The following ACVRL1 variants were observed in gnomAD, a reference collection of about 807,000 sequenced individuals.
ACVRL1 encodes the protein activin A receptor like type 1.
Under a neutral mutation model 51.9 loss-of-function variants are expected in ACVRL1, and 20 were observed. The observed-to-expected ratio is 0.39, with a 90% CI of 0.27 to 0.56. The LOEUF (loss-of-function observed/expected upper bound fraction) is 0.56, where lower values mean the gene tolerates loss of function less well. ACVRL1 is among the 20% of genes least tolerant of loss of function. The probability of loss-of-function intolerance (pLI) is 0.67; values close to 1 mark genes in which losing one functional copy is unlikely to be tolerated. For synonymous variants in ACVRL1, 288 were observed against 280.9 expected (o/e 1.03, Z -0.25); for missense variants, 451 against 670.3 (o/e 0.67, Z 3.61).
intron 8 of ACVRL1, among the ~76,000 whole-genome samples, chr12:51,916,941 T>G (rs1940853746): frequency 6.6e-6 from 1 of 151,980 alleles, no homozygotes; most frequent in African/African-American, 2.4e-5. Flanking sequence ...GCCACTGCAC[T>G]CCAGTCTGGG....
intron 8 of ACVRL1, among the ~76,000 whole-genome samples, chr12:51,918,101 G>T (rs971239350): frequency 4.6e-5 from 7 of 152,196 alleles, no homozygotes; most frequent in African/African-American, 1.7e-4. Context: ...ACAGGATGGG[G>T]CACGGGGCTG....
At chr12:51,920,011 T>C (rs939999730) in intron 9 of ACVRL1, among the ~76,000 whole-genome samples, 2 of 152,226 alleles carry the variant, frequency 1.3e-5, no homozygotes, top group African/African-American at 4.8e-5. Context: ...TGTATACATC[T>C]ATGTGTACAT....
chr12:51,912,996 G>T, intron 2 of ACVRL1, 103 bp from the exon 3 acceptor site: 1 of 1,496,310 alleles, frequency 6.7e-7, no homozygotes, highest in Non-Finnish European at 9.0e-7. Flanking sequence ...CAAGGTGTTT[G>T]TCTGAGGGGT....
rs1940831138 is a variant in ACVRL1, at chr12:51,916,058, G to A, written c.1071G>A (p.Gln357=). 2.5e-6 allele frequency: 4 copies of A among 1,613,020 alleles called. No homozygotes were observed. The African/African-American group carries it at 4.0e-5, about 16-fold the overall frequency. The change falls in exon 8 of 10, where the codon CAG becomes CAA. Residue 357 remains glutamine (Q), a synonymous_variant. Coordinates refer to ENST00000388922, the MANE Select transcript of ACVRL1 (RefSeq NM_000020.3). The part of the protein sequence containing the change: ...ADLGLAVMHS[Q]GSDYLDIGNN... ...CAGGCCTGGCTGTGATGCACTCACA[G>A]GGCAGCGATTACCTGGACATCGGCA...
At position 51,921,253 on chromosome 12, in the gene ACVRL1, C is replaced by G; in HGVS notation, c.*360C>G. On this transcript the variant is annotated 3_prime_UTR_variant, in exon 10 of 10. Coordinates refer to ENST00000388922, the MANE Select transcript of ACVRL1 (RefSeq NM_000020.3). ...ACTCAGAGCCCGGGCCTGCACTTTG[C>G]CCCCTGCCCTTGATCAACCCCACTG... 2.8e-6 allele frequency: 1 copy of G among 354,660 alleles called. No individual in the cohort carries two copies. 22.0% of individuals were successfully genotyped at this position (354,660 alleles called of 1,614,324 possible).
At chr12:51,919,365 G>C (rs1940916299) in intron 9 of ACVRL1, 4 of 136,476 alleles carry the variant, frequency 2.9e-5, no homozygotes, top group East Asian at 2.2e-4. Flanking sequence ...CTGTGGCTCT[G>C]TGTGTGTGTG....
At chr12:51,920,481 C>G (rs1940947314) in intron 9 of ACVRL1, among the ~76,000 whole-genome samples, 1 of 152,164 alleles carries the variant, frequency 6.6e-6, no homozygotes, top group African/African-American at 2.4e-5. Flanking sequence ...CCATCCCTTT[C>G]TCACTCTACT....
chr12:51,920,941 G>GGGGGGGGGGGGGGGGGGGGGGGC lies in ACVRL1; in HGVS notation c.*52_*53insGGGGGGGGGGGGGGGGGGCGGGG. On this transcript the variant is annotated 3_prime_UTR_variant, in exon 10 of 10. Coordinates refer to ENST00000388922, the MANE Select transcript of ACVRL1 (RefSeq NM_000020.3). ...CTGCCTGCAGGGGGCTGGGGGGGTG[G>GGGGGGGGGGGGGGGGGGGGGGGC]GGGGCAGTGGATGGTGCCCTATCTG... The GGGGGGGGGGGGGGGGGGGGGGGC allele has an allele frequency of 1.6e-6, 1 of 624,788 alleles. No individual in the cohort carries two copies. Among genetic ancestry groups the GGGGGGGGGGGGGGGGGGGGGGGC allele is most frequent in the Non-Finnish European group, 3.0e-6 (1 of 338,008 alleles). 38.7% of individuals were successfully genotyped at this position (624,788 alleles called of 1,614,324 possible).
chr12:51,919,690 A>C (rs912170504), intron 9 of ACVRL1, among the ~76,000 whole-genome samples: 3 of 152,074 alleles, frequency 2.0e-5, no homozygotes, highest in African/African-American at 4.8e-5. Context: ...TCCACACCTG[A>C]CCACTGTGGT....
intron 9 of ACVRL1, among the ~76,000 whole-genome samples, chr12:51,920,270 G>A (rs1348806231): frequency 6.6e-6 from 1 of 152,208 alleles, no homozygotes; most frequent in African/African-American, 2.4e-5. Context: ...TGGAGGGGCT[G>A]GAAGACACTG....
At chr12:51,919,377 G>GTGTA in intron 9 of ACVRL1, 1 of 485,244 alleles carries the variant, frequency 2.1e-6, no homozygotes, top group Non-Finnish European at 3.7e-6. Flanking sequence ...GTGTGTGTGT[G>GTGTA]TGTGTGTGTG....
intron 9 of ACVRL1, 103 bp downstream of exon 9, chr12:51,919,218 T>C: frequency 6.4e-7 from 1 of 1,558,482 alleles, no homozygotes; most frequent in Non-Finnish European, 8.7e-7. Flanking sequence ...ATCTCATAGA[T>C]ACTGAGTGTC....
At chr12:51,909,607 C>T (rs915746793) in intron 1 of ACVRL1, among the ~76,000 whole-genome samples, 1 of 152,080 alleles carries the variant, frequency 6.6e-6, no homozygotes, top group Non-Finnish European at 1.5e-5. Context: ...AGACCCATGT[C>T]TTTTTCTTCC....
chr12:51,914,837 G>C (rs923725824), intron 6 of ACVRL1, among the ~76,000 whole-genome samples: 1 of 151,920 alleles, frequency 6.6e-6, no homozygotes, highest in African/African-American at 2.4e-5. Flanking sequence ...TCAATCTCTT[G>C]AGCTCAAGTG....
At chr12:51,918,393 G>A (rs1046802476) in intron 8 of ACVRL1, among the ~76,000 whole-genome samples, 15 of 152,310 alleles carry the variant, frequency 9.8e-5, no homozygotes, top group African/African-American at 3.1e-4. Flanking sequence ...TCATTTCTTG[G>A]CTTATAAAGT....
In ACVRL1 at chr12:51,916,154, C is replaced by G. The variant is rs1410985038; in HGVS notation, c.1167C>G (p.Cys389Trp). The change falls in exon 8 of 10, where the codon TGC becomes TGG. Residue 389 changes from cysteine (C) to tryptophan (W), a missense_variant. Coordinates refer to ENST00000388922, the MANE Select transcript of ACVRL1 (RefSeq NM_000020.3). ...EVLDEQIRTD[C>W]FESYKWTDIW... is the part of the protein sequence containing the mutation. ...TGGACGAGCAGATCCGCACGGACTGCTTTGAGTCCTACAAGTGGACTGACA... is the reference window on the plus strand; with the variant it reads ...TGGACGAGCAGATCCGCACGGACTGGTTTGAGTCCTACAAGTGGACTGACA... 1.9e-6 allele frequency: 3 copies of G among 1,614,222 alleles called. No homozygotes were observed.
At chr12:51,920,343 G>T (rs542703269) in intron 9 of ACVRL1, among the ~76,000 whole-genome samples, 1 of 152,132 alleles carries the variant, frequency 6.6e-6, no homozygotes, top group African/African-American at 2.4e-5. Flanking sequence ...TTGAAGAATC[G>T]GCCCCTTCCT....
At chr12:51,910,944 T>A (rs1940676725) in intron 1 of ACVRL1, among the ~76,000 whole-genome samples, 1 of 152,196 alleles carries the variant, frequency 6.6e-6, no homozygotes, top group East Asian at 1.9e-4. Context: ...GAAGCCCCCC[T>A]ACCCCACCCC....
intron 6 of ACVRL1, 127 bp from the exon 7 acceptor site, chr12:51,915,097 CA>C: frequency 2.8e-6 from 3 of 1,074,778 alleles, no homozygotes; most frequent in Non-Finnish European, 4.2e-6. Context: ...CATCAACCCC[CA>C]CCCCCAGACC....
Sources: gnomAD v4.1 joint callset for allele counts (sites outside exome capture counted in the v4.1 genomes callset) on GRCh38, gnomAD v4.1.1 for gene constraint, MANE v1.5 for transcripts, NCBI Gene and HGNC (gene_info 2026-07-23, HGNC 2026-07-21) for gene names.